Variants in FAM227B observed in about 807,000 individuals in gnomAD.
FAM227B encodes family with sequence similarity 227 member B, also known as protein FAM227B.
FAM227B carries 88 observed loss-of-function variants against 73.8 expected under a neutral mutation model. The observed-to-expected ratio is 1.19, with a 90% CI of 1.00 to 1.42. FAM227B has a LOEUF of 1.42. Among genes scored for constraint, FAM227B ranks in the 40% most tolerant of loss-of-function variants. The pLI is 0.00. For synonymous variants in FAM227B, 210 were observed against 190.5 expected (o/e 1.10, Z -0.84); for missense variants, 632 against 590.9 (o/e 1.07, Z -0.72).
chr15:49,340,581 A>C (rs1263744397), intron 13 of FAM227B, among the ~76,000 whole-genome samples: 1 of 152,128 alleles, frequency 6.6e-6, no homozygotes, highest in Non-Finnish European at 1.5e-5. Context: ...TCTTGCCAGC[A>C]AAGTCCTTGC....
chr15:49,343,474 A>C (rs867796909), intron 13 of FAM227B: 28 of 152,216 alleles, frequency 1.8e-4, no homozygotes, highest in African/African-American at 6.7e-4. Context: ...GCCTGTGTTT[A>C]AGGCTGTTGA....
chr15:49,515,762 CTGTT>C (rs1019508278), intron 10 of FAM227B, among the ~76,000 whole-genome samples: 4 of 152,140 alleles, frequency 2.6e-5, no homozygotes, highest in African/African-American at 9.7e-5. Flanking sequence ...TTGTGTTTGT[CTGTT>C]TGTCTATCAA....
chr15:49,462,636 G>T (rs1488350365), intron 11 of FAM227B, among the ~76,000 whole-genome samples: 1 of 152,214 alleles, frequency 6.6e-6, no homozygotes, highest in African/African-American at 2.4e-5. Context: ...CTCTTACCAA[G>T]AAGAGGAAAG....
intron 13 of FAM227B, among the ~76,000 whole-genome samples, chr15:49,350,649 G>A (rs780405330): frequency 5.3e-5 from 8 of 152,070 alleles, no homozygotes; most frequent in Non-Finnish European, 1.0e-4. Context: ...CCCCTATGAG[G>A]GTACTGTGAT....
chr15:49,338,473 T>C (rs565087179), intron 13 of FAM227B, among the ~76,000 whole-genome samples: 9 of 152,254 alleles, frequency 5.9e-5, no homozygotes, highest in African/African-American at 1.2e-4. Flanking sequence ...TTCTGGTTTG[T>C]AGGGTTTCTG....
chr15:49,578,875 T>C (rs1315058474), intron 5 of FAM227B, among the ~76,000 whole-genome samples: 5 of 152,146 alleles, frequency 3.3e-5, no homozygotes, highest in Admixed American at 1.3e-4. Flanking sequence ...ACAACCTTTG[T>C]AATGGGAGAA....
rs182166511 is a variant in FAM227B at position 49,390,350 on chromosome 15, T to C, written c.1013-18951A>G. ...CTTTGTCAGCATAAGCCACTAAGAT[T>C]TTACTAATGTTTGTCACTATAGCAT... On this transcript the variant is annotated intron_variant, in intron 11 of 15. Coordinates refer to ENST00000299338, the MANE Select transcript of FAM227B (RefSeq NM_152647.3). 2.3e-3 allele frequency among the ~76,000 whole-genome samples: 344 copies of C among 152,178 alleles called. 2 individuals carry two copies. Among genetic ancestry groups the C allele is most frequent in the Non-Finnish European group, 3.1e-3 (211 of 67,958 alleles).
intron 10 of FAM227B, among the ~76,000 whole-genome samples, chr15:49,519,382 C>T (rs1289791552): frequency 6.6e-6 from 1 of 152,190 alleles, no homozygotes; most frequent in African/African-American, 2.4e-5. Context: ...TATGTGGGGA[C>T]TCTCACCCCA....
rs530544100 is a variant in FAM227B, at chr15:49,441,379, A to G, written c.1012+66832T>C. Among the ~76,000 whole-genome samples the G allele has an allele frequency of 4.6e-5, 7 of 151,926 alleles. No individual in the cohort carries two copies. In the South Asian group the frequency reaches 1.2e-3, roughly 27 times the overall value. On this transcript the variant is annotated intron_variant, in intron 11 of 15. Transcript: ENST00000299338. ...CTTGGATTCAGCCCCTAAGAATCCAATTTTAGAAATAAAACTAATATCAAC... is the reference window on the plus strand; with the variant it reads ...CTTGGATTCAGCCCCTAAGAATCCAGTTTTAGAAATAAAACTAATATCAAC...
intron 11 of FAM227B, among the ~76,000 whole-genome samples, chr15:49,409,380 T>C (rs1372642201): frequency 1.3e-5 from 2 of 152,082 alleles, no homozygotes; most frequent in Non-Finnish European, 2.9e-5. Context: ...AATATTCCAA[T>C]TTATTTCAAA....
At chr15:49,612,117 G>C (rs2077975315) in intron 2 of FAM227B, among the ~76,000 whole-genome samples, 1 of 148,954 alleles carries the variant, frequency 6.7e-6, no homozygotes, top group South Asian at 2.1e-4. Context: ...TATACTTTAA[G>C]TTTTAGGGTA....
intron 11 of FAM227B, among the ~76,000 whole-genome samples, chr15:49,503,469 A>C (rs2058314858): frequency 6.6e-6 from 1 of 152,352 alleles, no homozygotes; most frequent in South Asian, 2.1e-4. Context: ...CAAAGAAACT[A>C]CCATCACAGT....
chr15:49,607,519 G>C (rs767861471), intron 3 of FAM227B, among the ~76,000 whole-genome samples: 1 of 152,136 alleles, frequency 6.6e-6, no homozygotes, highest in Non-Finnish European at 1.5e-5. Context: ...GGGGAGTTGA[G>C]GGAGAAGGAA....
intron 11 of FAM227B, among the ~76,000 whole-genome samples, chr15:49,504,927 C>A (rs557525329): frequency 6.6e-6 from 1 of 152,138 alleles, no homozygotes; most frequent in Non-Finnish European, 1.5e-5. Flanking sequence ...ATCCTATATC[C>A]GAACAAATAC....
chr15:49,363,826 G>A (rs7176321), intron 13 of FAM227B, among the ~76,000 whole-genome samples: 12 of 152,148 alleles, frequency 7.9e-5, no homozygotes, highest in Middle Eastern at 3.4e-3. Context: ...TATCATGAAG[G>A]GATGTTGAAT....
At chr15:49,405,421 C>T (rs1186021010) in intron 11 of FAM227B, among the ~76,000 whole-genome samples, 1 of 152,170 alleles carries the variant, frequency 6.6e-6, no homozygotes, top group Non-Finnish European at 1.5e-5. Flanking sequence ...TTTAAATAAT[C>T]CCATATTTCT....
intron 11 of FAM227B, among the ~76,000 whole-genome samples, chr15:49,457,531 G>C (rs2053421213): frequency 6.6e-6 from 1 of 151,988 alleles, no homozygotes; most frequent in African/African-American, 2.4e-5. Flanking sequence ...CATTTTATAA[G>C]TAACTACATT....
intron 11 of FAM227B, among the ~76,000 whole-genome samples, chr15:49,415,424 T>G (rs543564630): frequency 6.6e-6 from 1 of 152,250 alleles, no homozygotes; most frequent in African/African-American, 2.4e-5. Flanking sequence ...TCAAGGAAAT[T>G]GATTGTTTCC....
chr15:49,571,629 C>T (rs910718777), intron 8 of FAM227B, among the ~76,000 whole-genome samples: 1 of 151,802 alleles, frequency 6.6e-6, no homozygotes, highest in Non-Finnish European at 1.5e-5. Context: ...GTGTTCTTGG[C>T]GCCTTTGTTG....
Sources: allele counts gnomAD v4.1 joint callset (sites outside exome capture counted in the v4.1 genomes callset), GRCh38; gene constraint gnomAD v4.1.1; transcripts MANE v1.5; gene names NCBI Gene and HGNC (gene_info 2026-07-23, HGNC 2026-07-21).